The following FSD2 variants were observed in gnomAD, a reference collection of about 807,000 sequenced individuals.
FSD2 encodes the protein fibronectin type III and SPRY domain-containing protein 2.
In FSD2, 71 loss-of-function variants were observed where a neutral mutation model predicts 80.4. The ratio of observed to expected loss-of-function variants is 0.88; its 90% CI spans 0.73 to 1.08. The LOEUF (loss-of-function observed/expected upper bound fraction) is 1.08. Among genes scored for constraint, FSD2 ranks in the 50% least tolerant of loss-of-function variants. The pLI, the probability that FSD2 is intolerant of heterozygous loss-of-function variation, is 0.00. For missense variants in FSD2, 923 were observed against 913.8 expected (o/e 1.01, Z -0.13); for synonymous variants, 361 against 329.5 (o/e 1.10, Z -1.03).
intron 1 of FSD2, among the ~76,000 whole-genome samples, chr15:82,803,413 C>A (rs2050459189): frequency 1.3e-5 from 2 of 152,044 alleles, no homozygotes; most frequent in African/African-American, 4.8e-5. Context: ...CACCAGGGAT[C>A]CCCCACCCCA....
At chr15:82,784,445 A>ACCAT (rs905680509) in intron 3 of FSD2, among the ~76,000 whole-genome samples, 2 of 151,932 alleles carry the variant, frequency 1.3e-5, no homozygotes, top group African/African-American at 4.8e-5. Flanking sequence ...ATGGGGTTTC[A>ACCAT]CCATCTTGGC....
chr15:82,787,380 T>C lies in FSD2; in HGVS notation c.11A>G (p.Glu4Gly). 1 of 1,604,386 alleles carries C rather than the reference T, an allele frequency of 6.2e-7. No individual in the cohort carries two copies. Among genetic ancestry groups the C allele is most frequent in the South Asian group, 1.1e-5 (1 of 89,564 alleles). MEEESGEELGLDRS... is the reference protein window; with the variant it reads MEEGSGEELGLDRS... The stretch of plus-strand genomic sequence containing the variant: ...GTCCAGCCCCAGTTCCTCCCCCGAT[T>C]CCTCCTCCATTGTAACTCTGGAAGT... Residue 4 changes from glutamate (E) to glycine (G), a missense_variant, in exon 2 of 13, where the codon GAA becomes GGA. Coordinates refer to ENST00000334574, the MANE Select transcript of FSD2 (RefSeq NM_001007122.4).
chr15:82,802,691 A>G (rs1365550868), intron 1 of FSD2, among the ~76,000 whole-genome samples: 3 of 152,160 alleles, frequency 2.0e-5, no homozygotes, highest in African/African-American at 7.2e-5. Flanking sequence ...AGCCAGCAAC[A>G]GCAGCAGCAG....
intron 1 of FSD2, among the ~76,000 whole-genome samples, chr15:82,795,235 A>G (rs2050237247): frequency 6.6e-6 from 1 of 152,184 alleles, no homozygotes; most frequent in Non-Finnish European, 1.5e-5. Context: ...AGTTGGCTAT[A>G]TTGTTATTAA....
intron 7 of FSD2, among the ~76,000 whole-genome samples, chr15:82,771,777 G>T (rs968622638): frequency 6.6e-6 from 1 of 152,244 alleles, no homozygotes; most frequent in African/African-American, 2.4e-5. Flanking sequence ...TTGACAAGGG[G>T]CACCCCTGGC....
chr15:82,787,183 C>A lies in FSD2; in HGVS notation c.208G>T (p.Glu70Ter). Reference sequence around the variant, plus strand: ...TATAAGTGGACAAGTTCATCCACTTCCTCTTGAAGGTCTCTTTGAGCCTTA... The same window carrying A: ...TATAAGTGGACAAGTTCATCCACTTACTCTTGAAGGTCTCTTTGAGCCTTA... The part of the protein sequence containing the change: ...DGKAQRDLQE[E>*]VDELVHLYGL... The change falls in exon 2 of 13, where the codon GAA (glutamate) becomes TAA (stop). Residue 70 changes from glutamate to a stop codon, truncating the protein, a stop_gained. Coordinates refer to ENST00000334574, the MANE Select transcript of FSD2 (RefSeq NM_001007122.4). LOFTEE classifies it high-confidence loss of function. 6.2e-7 allele frequency: 1 copy of A among 1,613,984 alleles called. No individual in the cohort carries two copies. The highest frequency in any genetic ancestry group is 8.5e-7 in the Non-Finnish European group (1 of 1,179,884).
chr15:82,771,969 C>G (rs2049586908), intron 7 of FSD2, 104 bp downstream of exon 7: 1 of 1,190,506 alleles, frequency 8.4e-7, no homozygotes, highest in South Asian at 1.7e-5. Flanking sequence ...ATGTCTAGAC[C>G]CATCCTGTCT....
At chr15:82,780,223 C>T (rs755299988) in intron 5 of FSD2, 22 bp downstream of exon 5, 1 of 1,479,926 alleles carries the variant, frequency 6.8e-7, no homozygotes. Context: ...AAAAGAAATA[C>T]ATACTAGAAC....
chr15:82,787,792 A>G (rs1261652173), intron 1 of FSD2, among the ~76,000 whole-genome samples: 2 of 151,844 alleles, frequency 1.3e-5, no homozygotes, highest in African/African-American at 4.8e-5. Context: ...TTATTAATTT[A>G]TTTTTGAGAT....
chr15:82,769,165 G>A (rs2049497643), intron 8 of FSD2, 135 bp from the exon 9 acceptor site: 5 of 747,524 alleles, frequency 6.7e-6, no homozygotes, highest in African/African-American at 1.8e-5. Context: ...AAGCAAACCA[G>A]GGAATCCCTT....
At chr15:82,785,964 C>G (rs2049986163) in intron 3 of FSD2, among the ~76,000 whole-genome samples, 1 of 152,084 alleles carries the variant, frequency 6.6e-6, no homozygotes, top group Non-Finnish European at 1.5e-5. Flanking sequence ...GATGTCCCCT[C>G]TTCACCACCT....
intron 6 of FSD2, among the ~76,000 whole-genome samples, chr15:82,772,800 C>A (rs2049616461): frequency 6.6e-6 from 1 of 152,322 alleles, no homozygotes; most frequent in South Asian, 2.1e-4. Context: ...TACAGTCTCA[C>A]ACACACAACC....
At position 82,759,115 on chromosome 15, in the gene FSD2, C is replaced by A; in HGVS notation, c.*233G>T. On this transcript the variant is annotated 3_prime_UTR_variant, in exon 13 of 13. Transcript: ENST00000334574. ...ACTTTTGAGTTCGTTTAGTCTGAGC[C>A]TTTATTTTACAGCTGGGCCTGGTAA... The A allele has an allele frequency of 2.0e-6, 1 of 509,938 alleles. No homozygotes were observed. The highest frequency in any genetic ancestry group is 2.6e-5 in the South Asian group (1 of 38,378). The allele number at this position is 509,938 out of a possible 1,614,324, so 31.6% of individuals were successfully genotyped here. A position where few individuals can be genotyped will look rare whatever the true frequency, so the allele number is the denominator to read the frequency against.
rs34233796 is a variant in FSD2, at chr15:82,770,181, G to A, written c.1268-297C>T. 5.9e-3 allele frequency among the ~76,000 whole-genome samples: 902 copies of A among 152,334 alleles called. 10 individuals are homozygous for A. Among genetic ancestry groups the A allele is most frequent in the Non-Finnish European group, 7.9e-3 (538 of 68,032 alleles). ...CACAGGGGCTAGCCCTCTTGCTGCT[G>A]GGGATGCTTCCACTACCACGTGAGC... On this transcript the variant is annotated intron_variant, in intron 7 of 12. Coordinates refer to ENST00000334574, the MANE Select transcript of FSD2 (RefSeq NM_001007122.4).
rs1171693413 is a variant in FSD2 at position 82,758,009 on chromosome 15, A to C, written c.*1339T>G. The C allele has an allele frequency of 2.0e-5, 3 of 152,144 alleles. No homozygotes were observed. The highest frequency in any genetic ancestry group is 1.5e-5 in the Non-Finnish European group (1 of 68,066). 9.4% of individuals were successfully genotyped at this position (152,144 alleles called of 1,614,324 possible). On this transcript the variant is annotated 3_prime_UTR_variant, in exon 13 of 13. Coordinates refer to ENST00000334574, the MANE Select transcript of FSD2 (RefSeq NM_001007122.4). ...CACTGCAGCCTCTGCCCCCGGGTTC[A>C]AGCAATTCTCCTGCCTCAGCCTCCT...
chr15:82,776,682 A>G (rs925037550), intron 6 of FSD2, among the ~76,000 whole-genome samples: 1 of 152,206 alleles, frequency 6.6e-6, no homozygotes, highest in Non-Finnish European at 1.5e-5. Context: ...TACAGATTCA[A>G]GGCAATCCCT....
At chr15:82,765,416 A>C (rs963889086) in intron 10 of FSD2, 118 bp from the exon 11 acceptor site, 9 of 1,279,490 alleles carry the variant, frequency 7.0e-6, no homozygotes, top group Non-Finnish European at 8.7e-6. Flanking sequence ...TGGCCTAGTA[A>C]TAGGCGTCCA....
At chr15:82,768,729 G>A (rs535038458) in intron 9 of FSD2, 151 bp downstream of exon 9, 2 of 586,276 alleles carry the variant, frequency 3.4e-6, no homozygotes, top group South Asian at 8.7e-5. Flanking sequence ...TAGCATTCCA[G>A]CTACTTCTCA....
intron 1 of FSD2, among the ~76,000 whole-genome samples, chr15:82,791,423 T>C (rs1485828989): frequency 1.3e-5 from 2 of 151,976 alleles, no homozygotes; most frequent in East Asian, 3.9e-4. Flanking sequence ...CAGGCTGGAG[T>C]GCAGTAACAC....
Sources: gnomAD v4.1 joint callset for allele counts (sites outside exome capture counted in the v4.1 genomes callset) on GRCh38, gnomAD v4.1.1 for gene constraint, MANE v1.5 for transcripts, NCBI Gene and HGNC (gene_info 2026-07-23, HGNC 2026-07-21) for gene names.